The following ASTN2 variants were observed in gnomAD, a reference collection of about 807,000 sequenced individuals.
ASTN2 encodes astrotactin 2.
ASTN2 carries 54 observed loss-of-function variants against 139.8 expected under a neutral mutation model. The ratio of observed to expected loss-of-function variants is 0.39; its 90% CI spans 0.31 to 0.48. ASTN2 has a LOEUF of 0.48. ASTN2 is among the 20% of genes least tolerant of loss of function. ASTN2 has a pLI of 0.95. For synonymous variants in ASTN2, 756 were observed against 719.5 expected, an observed-to-expected ratio of 1.05 and a Z score of -0.81; for missense variants, 1,565 against 1,725.1, an observed-to-expected ratio of 0.91 and a Z score of 1.64.
At chr9:117,280,493 G>T (rs1433448488) in intron 2 of ASTN2, among the ~76,000 whole-genome samples, 1 of 152,102 alleles carries the variant, frequency 6.6e-6, no homozygotes, top group Non-Finnish European at 1.5e-5. Flanking sequence ...AATGAGAGGC[G>T]CATGGAAGAA....
intron 1 of ASTN2, among the ~76,000 whole-genome samples, chr9:117,354,493 T>C (rs1829481124): frequency 6.6e-6 from 1 of 152,212 alleles, no homozygotes; most frequent in Admixed American, 6.5e-5. Context: ...TTTTGAATAC[T>C]TTCTTGAGCC....
intron 16 of ASTN2, among the ~76,000 whole-genome samples, chr9:116,714,106 C>A (rs1828245705): frequency 1.3e-5 from 2 of 152,186 alleles, no homozygotes; most frequent in Admixed American, 6.5e-5. Flanking sequence ...CCTTCTCTTC[C>A]AACACACATA....
intron 3 of ASTN2, among the ~76,000 whole-genome samples, chr9:117,177,580 C>A (rs1360396641): frequency 6.6e-6 from 1 of 152,112 alleles, no homozygotes; most frequent in East Asian, 1.9e-4. Context: ...GTGTAAAACT[C>A]AAACATGGGC....
intron 2 of ASTN2, among the ~76,000 whole-genome samples, chr9:117,219,529 C>T (rs942974353): frequency 4.6e-5 from 7 of 152,114 alleles, no homozygotes; most frequent in South Asian, 2.1e-4. Context: ...ATGCCAAGTC[C>T]GATTTGTACC....
chr9:117,232,254 A>G (rs1832915136), intron 2 of ASTN2, among the ~76,000 whole-genome samples: 1 of 152,138 alleles, frequency 6.6e-6, no homozygotes, highest in African/African-American at 2.4e-5. Flanking sequence ...AACACTCTGG[A>G]TAGTATTAGG....
chr9:117,146,213 C>G (rs1418553411), intron 3 of ASTN2, among the ~76,000 whole-genome samples: 1 of 152,082 alleles, frequency 6.6e-6, no homozygotes, highest in Non-Finnish European at 1.5e-5. Flanking sequence ...CTCCTGGTAC[C>G]CGCTGAGCTC....
At chr9:117,387,427 TCTAA>T (rs1007308440) in intron 1 of ASTN2, among the ~76,000 whole-genome samples, 3 of 152,126 alleles carry the variant, frequency 2.0e-5, no homozygotes, top group African/African-American at 4.8e-5. Flanking sequence ...GGAGACTGGC[TCTAA>T]CTAAGAAGTC....
intron 19 of ASTN2, among the ~76,000 whole-genome samples, chr9:116,493,949 T>C (rs1184602263): frequency 6.6e-6 from 1 of 152,134 alleles, no homozygotes; most frequent in Non-Finnish European, 1.5e-5. Flanking sequence ...CTCTTTGTCA[T>C]GGTGCCCAGG....
At chr9:116,932,467 G>C (rs1407004536) in intron 10 of ASTN2, among the ~76,000 whole-genome samples, 2 of 152,198 alleles carry the variant, frequency 1.3e-5, no homozygotes, top group Non-Finnish European at 2.9e-5. Flanking sequence ...GATATATGTG[G>C]AAGTAAGTGA....
rs150397505 is a variant in ASTN2 at position 116,767,041 on chromosome 9, TACTC to T, written c.2397-33522_2397-33519del. Among the ~76,000 whole-genome samples, 1,445 of 151,906 alleles carry T rather than the reference TACTC, an allele frequency of 9.5e-3. 15 individuals carry two copies. Among genetic ancestry groups the T allele is most frequent in the East Asian group, 0.085 (437 of 5,154 alleles). ...ACTCACACATAAACACACACAATCA[TACTC>T]ACATACTTAAAACAGTTGCATCACA... On this transcript the variant is annotated intron_variant, in intron 13 of 22. Coordinates refer to ENST00000313400, the MANE Select transcript of ASTN2 (RefSeq NM_001365068.1).
Position 116,426,369 on chromosome 9 carries a change from T to C in ASTN2, c.3783-281A>G, listed in dbSNP as rs1175022089. On this transcript the variant is annotated intron_variant, in intron 22 of 22. Transcript: ENST00000313400. ...CTAGGAGTTCAAAGGTGACCAGCCT[T>C]GGACTCTGATCAAATAGGTATTATT... Among the ~76,000 whole-genome samples the C allele has an allele frequency of 2.6e-5, 4 of 152,192 alleles. No homozygotes were observed. In the South Asian group the frequency reaches 6.2e-4, roughly 24 times the overall value.
At chr9:116,846,298 G>A (rs572982519) in intron 11 of ASTN2, among the ~76,000 whole-genome samples, 6 of 152,204 alleles carry the variant, frequency 3.9e-5, no homozygotes, top group South Asian at 2.1e-4. Flanking sequence ...TTTGCATCAC[G>A]CTACCAAACT....
intron 5 of ASTN2, among the ~76,000 whole-genome samples, chr9:117,094,623 C>T (rs1490990050): frequency 6.6e-6 from 1 of 152,116 alleles, no homozygotes; most frequent in Non-Finnish European, 1.5e-5. Context: ...AGAGGCAGAT[C>T]CCATTTTTCC....
chr9:117,149,240 G>A (rs1387001596), intron 3 of ASTN2, among the ~76,000 whole-genome samples: 3 of 151,866 alleles, frequency 2.0e-5, no homozygotes, highest in Admixed American at 6.6e-5. Context: ...GGCTGGTCTC[G>A]AACTCTTGAC....
chr9:116,790,247 C>G (rs567643235), intron 13 of ASTN2, among the ~76,000 whole-genome samples: 1 of 151,954 alleles, frequency 6.6e-6, no homozygotes, highest in East Asian at 1.9e-4. Context: ...TTCTCATCAC[C>G]TCTTTCTCCT....
chr9:116,630,005 A>G (rs563898273), intron 17 of ASTN2, among the ~76,000 whole-genome samples: 17 of 152,288 alleles, frequency 1.1e-4, no homozygotes, highest in African/African-American at 3.9e-4. Context: ...GCTCCCATCT[A>G]TCTCACATAG....
chr9:117,231,759 G>A (rs767678484), intron 2 of ASTN2, among the ~76,000 whole-genome samples: 2 of 152,110 alleles, frequency 1.3e-5, no homozygotes, highest in Non-Finnish European at 2.9e-5. Context: ...AGGATAGAAG[G>A]AAGTGCAGGA....
At chr9:116,557,523 C>T (rs1256365122) in intron 19 of ASTN2, 1 of 152,120 alleles carries the variant, frequency 6.6e-6, no homozygotes, top group African/African-American at 2.4e-5. Context: ...AATAATATTT[C>T]CCTTCCCTTT....
chr9:117,278,809 A>G (rs1163566749), intron 2 of ASTN2, among the ~76,000 whole-genome samples: 1 of 152,130 alleles, frequency 6.6e-6, no homozygotes, highest in Non-Finnish European at 1.5e-5. Flanking sequence ...AGTGAAGTGA[A>G]ATGTAGTTGC....
Sources: gnomAD v4.1 joint callset for allele counts (sites outside exome capture counted in the v4.1 genomes callset) on GRCh38, gnomAD v4.1.1 for gene constraint, MANE v1.5 for transcripts, NCBI Gene and HGNC (gene_info 2026-07-23, HGNC 2026-07-21) for gene names.